LRP5: variants seen among roughly 807,000 people sequenced by gnomAD.
The protein encoded by LRP5 is low-density lipoprotein receptor-related protein 5.
Under a neutral mutation model 154.1 loss-of-function variants are expected in LRP5, and 62 were observed. The observed-to-expected ratio is 0.40, with a 90% confidence interval of 0.33 to 0.50. The LOEUF (loss-of-function observed/expected upper bound fraction) is 0.50, where lower values mean the gene tolerates loss of function less well. Ranked by LOEUF, LRP5 falls within the 20% of genes least tolerant of loss-of-function variation. The probability of loss-of-function intolerance (pLI) is 0.55; values close to 1 mark genes in which losing one functional copy is unlikely to be tolerated. For synonymous variants in LRP5, 966 were observed against 1,011.5 expected (o/e 0.96, Z 0.85); for missense variants, 1,915 against 2,336.7 (o/e 0.82, Z 3.72).
At position 68,447,975 on chromosome 11, in the gene LRP5, G is replaced by T. The variant is rs547661457; in HGVS notation, c.4587-834G>T. Among the ~76,000 whole-genome samples the T allele has an allele frequency of 6.6e-6, 1 of 152,280 alleles. No homozygotes were observed. Among genetic ancestry groups the T allele is most frequent in the Admixed American group, 6.5e-5 (1 of 15,288 alleles). On this transcript the variant is annotated intron_variant, in intron 22 of 22. Transcript: ENST00000294304. The surrounding 1 kb of genome is among the most constrained non-coding windows in gnomAD (Gnocchi z 4.3). ...GGTTGCTGTATTAGCCTGTTCTCAC[G>T]CTGCTAATAAAGACATACCCAAGAC...
intron 13 of LRP5, among the ~76,000 whole-genome samples, chr11:68,420,070 C>T (rs935386991): frequency 2.0e-5 from 3 of 152,014 alleles, no homozygotes; most frequent in Admixed American, 1.3e-4. Context: ...ATTACAGGCG[C>T]GAGCCACCGC....
At chr11:68,313,932 C>T (rs2098590933) in intron 1 of LRP5, among the ~76,000 whole-genome samples, 1 of 152,186 alleles carries the variant, frequency 6.6e-6, no homozygotes, top group Non-Finnish European at 1.5e-5. Context: ...GTGTGGGGGA[C>T]AGCGGGGAAC....
chr11:68,426,720 C>T (rs1312617718), intron 16 of LRP5, among the ~76,000 whole-genome samples: 1 of 152,150 alleles, frequency 6.6e-6, no homozygotes. Context: ...ACTGGCCTGA[C>T]AACACCCACG....
At chr11:68,382,550 G>A (rs914289235) in intron 5 of LRP5, among the ~76,000 whole-genome samples, 29 of 152,180 alleles carry the variant, frequency 1.9e-4, no homozygotes, top group Non-Finnish European at 4.4e-5. Flanking sequence ...CCCCAAGGGC[G>A]TCCTGAGGGC....
At position 68,348,486 on chromosome 11, in the gene LRP5, G is replaced by A. The variant is rs187812870; in HGVS notation, c.488+243G>A. Among the ~76,000 whole-genome samples, 322 of 139,742 alleles carry A rather than the reference G, an allele frequency of 2.3e-3. 18 individuals carry two copies. Among genetic ancestry groups the A allele is most frequent in the African/African-American group, 8.0e-3 (294 of 36,590 alleles). 91.7% of individuals were successfully genotyped at this position (139,742 alleles called of 152,430 possible). A position where few individuals can be genotyped will look rare whatever the true frequency, so the allele number is the denominator to read the frequency against. The stretch of plus-strand genomic sequence containing the variant: ...GGTGTCACTCTTAAAATGAACCCGT[G>A]GGGGGGTTGGCTCAGGCCTGTAACC... On this transcript the variant is annotated intron_variant, in intron 2 of 22. Coordinates refer to ENST00000294304, the MANE Select transcript of LRP5 (RefSeq NM_002335.4).
intron 2 of LRP5, 58 bp downstream of exon 2, chr11:68,348,301 T>G (rs2153129831): frequency 6.3e-7 from 1 of 1,591,980 alleles, no homozygotes; most frequent in South Asian, 1.1e-5. Flanking sequence ...ACCATCTCTC[T>G]CTCGAATTTG....
chr11:68,393,943 A>C (rs1360618661), intron 7 of LRP5, among the ~76,000 whole-genome samples: 1 of 152,100 alleles, frequency 6.6e-6, no homozygotes, highest in Non-Finnish European at 1.5e-5. Context: ...GATACGTCGC[A>C]CAGTCCCCAT....
intron 7 of LRP5, among the ~76,000 whole-genome samples, chr11:68,401,339 G>A (rs1365330352): frequency 6.6e-6 from 1 of 152,206 alleles, no homozygotes; most frequent in Non-Finnish European, 1.5e-5. Flanking sequence ...AGGCATGGGT[G>A]GAGAGCTCAG....
At chr11:68,326,981 G>T (rs1287034803) in intron 1 of LRP5, among the ~76,000 whole-genome samples, 1 of 152,212 alleles carries the variant, frequency 6.6e-6, no homozygotes, top group Non-Finnish European at 1.5e-5. Flanking sequence ...ACTTTGCCCA[G>T]TGTTGTGCAG....
chr11:68,412,483 A>G (rs2098660146), intron 11 of LRP5, among the ~76,000 whole-genome samples: 1 of 152,048 alleles, frequency 6.6e-6, no homozygotes, highest in Non-Finnish European at 1.5e-5. Flanking sequence ...TCTACAAAAA[A>G]ATTTTTTAAA....
intron 1 of LRP5, among the ~76,000 whole-genome samples, chr11:68,314,745 A>G (rs1591163042): frequency 6.6e-6 from 1 of 152,224 alleles, no homozygotes. Flanking sequence ...GTAGATGCCC[A>G]AGGCCAAGGC....
chr11:68,357,570 G>A, intron 2 of LRP5, 80 bp from the exon 3 acceptor site: 1 of 1,323,306 alleles, frequency 7.6e-7, no homozygotes, highest in East Asian at 2.4e-5. Flanking sequence ...ACTGTCTGTT[G>A]TTTCATGTCT....
intron 3 of LRP5, among the ~76,000 whole-genome samples, chr11:68,362,443 G>A (rs1015243226): frequency 2.0e-4 from 31 of 152,308 alleles, no homozygotes; most frequent in African/African-American, 6.3e-4. Context: ...AGCACTTTGA[G>A]AGGCCAAGGC....
chr11:68,337,366 T>C (rs2098606287), intron 1 of LRP5, among the ~76,000 whole-genome samples: 1 of 152,138 alleles, frequency 6.6e-6, no homozygotes, highest in Admixed American at 6.6e-5. Flanking sequence ...TTTGAGGAGC[T>C]GAAGCTAGAA....
intron 1 of LRP5, among the ~76,000 whole-genome samples, chr11:68,330,257 T>C (rs2098601988): frequency 1.5e-5 from 2 of 137,188 alleles, no homozygotes; most frequent in Admixed American, 7.3e-5. Context: ...TGTCAGCACA[T>C]GCGCGGCCAC....
At chr11:68,426,821 T>C (rs1233009623) in intron 16 of LRP5, among the ~76,000 whole-genome samples, 4 of 152,176 alleles carry the variant, frequency 2.6e-5, no homozygotes. Flanking sequence ...AGAATCAAGG[T>C]GTCAGGAACG....
intron 20 of LRP5, among the ~76,000 whole-genome samples, chr11:68,438,885 C>A (rs2098676567): frequency 6.6e-6 from 1 of 152,246 alleles, no homozygotes; most frequent in South Asian, 2.1e-4. Flanking sequence ...ATGGCTGTAG[C>A]AACCCACCCT....
intron 13 of LRP5, among the ~76,000 whole-genome samples, chr11:68,421,177 A>T (rs1344266546): frequency 6.6e-6 from 1 of 152,116 alleles, no homozygotes; most frequent in East Asian, 1.9e-4. Context: ...CGGTGAGCCG[A>T]GATCGCTTCA....
intron 1 of LRP5, among the ~76,000 whole-genome samples, chr11:68,324,027 G>A (rs767809921): frequency 1.1e-4 from 16 of 152,224 alleles, no homozygotes; most frequent in African/African-American, 3.9e-4. Context: ...TACAAAGAGC[G>A]AGTGGTCAGG....
Sources: gnomAD v4.1 joint callset for allele counts (sites outside exome capture counted in the v4.1 genomes callset) on GRCh38, gnomAD v4.1.1 for gene constraint, Gnocchi (gnomAD v3.1) non-coding constraint, MANE v1.5 for transcripts, NCBI Gene and HGNC (gene_info 2026-07-23, HGNC 2026-07-21) for gene names.